RYR2: variants seen among roughly 807,000 people sequenced by gnomAD.
RYR2 encodes the protein ryanodine receptor 2.
Under a neutral mutation model 601.1 loss-of-function variants are expected in RYR2, and 227 were observed. The ratio of observed to expected loss-of-function variants is 0.38; its 90% CI spans 0.34 to 0.42. The LOEUF (loss-of-function observed/expected upper bound fraction) is 0.42, where lower values mean the gene tolerates loss of function less well. Ranked by LOEUF, RYR2 falls within the 10% of genes least tolerant of loss-of-function variation. RYR2 has a pLI of 1.00. For synonymous variants in RYR2, 2,223 were observed against 2,175.1 expected, an observed-to-expected ratio of 1.02 and a Z score of -0.61; for missense variants, 4,646 against 6,156.5, an observed-to-expected ratio of 0.75 and a Z score of 8.21.
chr1:237,538,429 G>A (rs2805449), intron 25 of RYR2, among the ~76,000 whole-genome samples: 21 of 105,172 alleles, frequency 2.0e-4, no homozygotes, highest in Admixed American at 3.9e-4. Context: ...AAAAAAAAAG[G>A]GAAGATGGTA....
chr1:237,314,206 A>G (rs1832391), intron 2 of RYR2, among the ~76,000 whole-genome samples: 13,057 of 151,644 alleles, frequency 0.086, 1,152 homozygotes, highest in African/African-American at 0.22. Context: ...CTGGGACTAC[A>G]GGCACCCGCA....
chr1:237,490,318 C>A (rs1359489450), intron 17 of RYR2, among the ~76,000 whole-genome samples: 2 of 152,102 alleles, frequency 1.3e-5, no homozygotes, highest in Non-Finnish European at 2.9e-5. Flanking sequence ...CCCATGTATC[C>A]CTTGAATCGA....
rs778646779 is a variant in RYR2 at position 237,666,601 on chromosome 1, T to C, written c.8514+12T>C. ...CTAGAGACCTGCATGTAAGTACTAT[T>C]AACTTTTAAAAATAGTCTCCAAATT... On this transcript the variant is annotated intron_variant, in intron 57 of 104. Transcript: ENST00000366574. The C allele has an allele frequency of 1.3e-6, 2 of 1,599,590 alleles. No individual in the cohort carries two copies. The highest frequency in any genetic ancestry group is 1.1e-5 in the South Asian group (1 of 89,060).
chr1:237,095,680 C>G (rs1258517710), intron 1 of RYR2, among the ~76,000 whole-genome samples: 2 of 152,182 alleles, frequency 1.3e-5, no homozygotes, highest in Non-Finnish European at 2.9e-5. Flanking sequence ...TTGGGAGATG[C>G]TGACAACCAT....
intron 1 of RYR2, among the ~76,000 whole-genome samples, chr1:237,201,759 G>A (rs986094965): frequency 5.3e-5 from 8 of 152,138 alleles, no homozygotes; most frequent in Admixed American, 1.3e-4. Context: ...GCTCTCTGAT[G>A]ACTCTGGCAT....
intron 2 of RYR2, among the ~76,000 whole-genome samples, chr1:237,275,430 G>A (rs1690167440): frequency 6.6e-6 from 1 of 151,954 alleles, no homozygotes; most frequent in East Asian, 1.9e-4. Context: ...GAAAGCAGAT[G>A]TCTTTATCTC....
At chr1:237,651,171 T>G (rs1682690545) in intron 50 of RYR2, among the ~76,000 whole-genome samples, 1 of 152,188 alleles carries the variant, frequency 6.6e-6, no homozygotes. Flanking sequence ...AACAGAAACA[T>G]CTTCTGTATC....
intron 17 of RYR2, among the ~76,000 whole-genome samples, chr1:237,481,125 TACACACAC>T (rs367795300): frequency 4.4e-5 from 6 of 136,660 alleles, no homozygotes; most frequent in South Asian, 2.2e-4. Flanking sequence ...TATATATATA[TACACACAC>T]ATATATATAT....
At chr1:237,752,993 CA>C (rs1470540988) in intron 80 of RYR2, among the ~76,000 whole-genome samples, 1 of 152,096 alleles carries the variant, frequency 6.6e-6, no homozygotes, top group Non-Finnish European at 1.5e-5. Context: ...AACAAACAAA[CA>C]AAAGAACACA....
intron 25 of RYR2, among the ~76,000 whole-genome samples, chr1:237,547,386 G>A (rs1217960120): frequency 6.6e-6 from 1 of 152,116 alleles, no homozygotes; most frequent in Non-Finnish European, 1.5e-5. Context: ...CCTAGTGAAC[G>A]TTCTTGAGTT....
intron 16 of RYR2, among the ~76,000 whole-genome samples, chr1:237,458,706 C>A (rs1175766850): frequency 2.7e-5 from 4 of 149,402 alleles, no homozygotes; most frequent in East Asian, 4.0e-4. Context: ...GGAAAGCATA[C>A]CTAAGTATAG....
chr1:237,477,614 G>C (rs1453610346), intron 17 of RYR2, among the ~76,000 whole-genome samples: 1 of 152,080 alleles, frequency 6.6e-6, no homozygotes, highest in African/African-American at 2.4e-5. Flanking sequence ...AATATTTTTA[G>C]CATCACCCTT....
intron 27 of RYR2, among the ~76,000 whole-genome samples, chr1:237,553,151 A>G (rs1466237796): frequency 1.3e-5 from 2 of 152,066 alleles, no homozygotes; most frequent in African/African-American, 4.8e-5. Context: ...TTGCCTATGC[A>G]AAAACAAAAA....
At chr1:237,611,357 C>A (rs932487908) in intron 36 of RYR2, among the ~76,000 whole-genome samples, 9 of 152,074 alleles carry the variant, frequency 5.9e-5, no homozygotes, top group African/African-American at 2.2e-4. Flanking sequence ...GAGATGGAAT[C>A]ATAAGAATCA....
At chr1:237,475,442 A>T (rs1871304) in intron 17 of RYR2, among the ~76,000 whole-genome samples, 88,118 of 151,882 alleles carry the variant, frequency 0.58, 26,048 homozygotes, top group East Asian at 0.8. Context: ...TCCTGGTGTA[A>T]TCTTAAATTC....
intron 3 of RYR2, chr1:237,352,964 A>G (rs1237490896): frequency 4.7e-6 from 2 of 422,444 alleles, no homozygotes; most frequent in East Asian, 1.3e-4. Context: ...AGGCAAAATA[A>G]TGAACTTTCT....
chr1:237,297,485 G>A (rs1280873554), intron 2 of RYR2, among the ~76,000 whole-genome samples: 1 of 152,104 alleles, frequency 6.6e-6, no homozygotes, highest in Non-Finnish European at 1.5e-5. Flanking sequence ...AAAGACTTCA[G>A]TACACCTTTA....
intron 1 of RYR2, among the ~76,000 whole-genome samples, chr1:237,152,820 A>G (rs2148821186): frequency 6.6e-6 from 1 of 152,320 alleles, no homozygotes; most frequent in Middle Eastern, 3.4e-3. Flanking sequence ...ATCTCATTAA[A>G]CTAAAGAGCC....
At chr1:237,435,803 G>A (rs561625316) in intron 12 of RYR2, among the ~76,000 whole-genome samples, 187 of 152,312 alleles carry the variant, frequency 1.2e-3, no homozygotes, top group Non-Finnish European at 2.2e-3. Flanking sequence ...ACGAATTAGA[G>A]TAATCAATCA....
Sources: gnomAD v4.1 joint callset for allele counts (sites outside exome capture counted in the v4.1 genomes callset) on GRCh38, gnomAD v4.1.1 for gene constraint, MANE v1.5 for transcripts, NCBI Gene and HGNC (gene_info 2026-07-23, HGNC 2026-07-21) for gene names.